Variants in FDCSP observed in about 807,000 individuals in gnomAD.
FDCSP encodes the protein follicular dendritic cell secreted protein.
A neutral mutation model predicts 8.9 loss-of-function variants in FDCSP; 8 were observed. The observed-to-expected ratio is 0.90, with a 90% CI of 0.53 to 1.63. The LOEUF is 1.63. FDCSP is among the 40% of genes most tolerant of loss of function. The pLI is 0.00. For missense variants in FDCSP, 101 were observed against 103.6 expected (o/e 0.98, Z 0.11); for synonymous variants, 34 against 34.5 (o/e 0.98, Z 0.06).
At chr4:70,230,170 A>G (rs1730055491) in intron 1 of FDCSP, among the ~76,000 whole-genome samples, 1 of 151,680 alleles carries the variant, frequency 6.6e-6, no homozygotes, top group Admixed American at 6.6e-5. Flanking sequence ...AAAGTCCCCT[A>G]GCCAATCTCC....
At chr4:70,233,756 T>C (rs1730126724) in intron 3 of FDCSP, among the ~76,000 whole-genome samples, 1 of 151,500 alleles carries the variant, frequency 6.6e-6, no homozygotes, top group Admixed American at 6.6e-5. Context: ...CACATTCATC[T>C]TGGCCTTGTA....
intron 1 of FDCSP, 80 bp from the exon 2 acceptor site, chr4:70,231,115 C>G: frequency 9.0e-7 from 1 of 1,115,332 alleles, no homozygotes; most frequent in Non-Finnish European, 1.3e-6. Context: ...CTTTTAAATT[C>G]ATGGTCTTTT....
intron 1 of FDCSP, among the ~76,000 whole-genome samples, chr4:70,229,429 C>G (rs1730042956): frequency 1.3e-5 from 2 of 151,754 alleles, no homozygotes; most frequent in Non-Finnish European, 2.9e-5. Context: ...CTTTTAATTC[C>G]CTTCAAAACT....
intron 1 of FDCSP, 146 bp from the exon 2 acceptor site, chr4:70,231,049 G>A: frequency 5.2e-6 from 3 of 578,432 alleles, no homozygotes; most frequent in South Asian, 5.3e-5. Context: ...AAGATTGTAA[G>A]TGACTTGCTC....
At chr4:70,226,818 T>C (rs1450675882) in intron 1 of FDCSP, among the ~76,000 whole-genome samples, 3 of 149,242 alleles carry the variant, frequency 2.0e-5, no homozygotes, top group East Asian at 4.2e-4. Context: ...TAAAAGGAGA[T>C]AGCTGGTAAT....
chr4:70,227,436 C>G (rs1730006354), intron 1 of FDCSP, among the ~76,000 whole-genome samples: 1 of 151,646 alleles, frequency 6.6e-6, no homozygotes, highest in South Asian at 2.1e-4. Context: ...TTTTACACTG[C>G]GTTCTTTTGT....
chr4:70,233,682 A>G (rs1296993085), intron 3 of FDCSP, among the ~76,000 whole-genome samples: 11 of 151,638 alleles, frequency 7.3e-5, no homozygotes. Flanking sequence ...GTTGTTTCCT[A>G]CATGTGGTTT....
intron 1 of FDCSP, among the ~76,000 whole-genome samples, chr4:70,230,764 C>T (rs1368726848): frequency 2.0e-5 from 3 of 151,658 alleles, no homozygotes; most frequent in South Asian, 4.1e-4. Context: ...ACTAAATAAC[C>T]GCTTACTTCC....
chr4:70,234,417 C>T (rs1418687403), intron 4 of FDCSP, among the ~76,000 whole-genome samples: 1 of 151,616 alleles, frequency 6.6e-6, no homozygotes. Flanking sequence ...ACCAGCACAG[C>T]ACTTTAAATC....
In FDCSP at chr4:70,229,976, T is replaced by A. The variant is rs1383704119; in HGVS notation, c.1-1219T>A. 2.6e-5 allele frequency among the ~76,000 whole-genome samples: 4 copies of A among 151,612 alleles called. No individual in the cohort carries two copies. The Admixed American group carries it at 2.6e-4, about 10-fold the overall frequency. ...TGTTGGAAAAATGGTGCTGATAGAC[T>A]TGCTCGATGCCGGATTGCCACAAAT... On this transcript the variant is annotated intron_variant, in intron 1 of 4. Coordinates refer to ENST00000317987, the MANE Select transcript of FDCSP (RefSeq NM_152997.4).
At chr4:70,229,507 T>C (rs1416627565) in intron 1 of FDCSP, among the ~76,000 whole-genome samples, 1 of 151,802 alleles carries the variant, frequency 6.6e-6, no homozygotes, top group Admixed American at 6.6e-5. Flanking sequence ...TATCTTGGCT[T>C]TTGACATTCC....
At chr4:70,226,459 G>T (rs942121552) in intron 1 of FDCSP, among the ~76,000 whole-genome samples, 1 of 151,738 alleles carries the variant, frequency 6.6e-6, no homozygotes, top group South Asian at 2.1e-4. Flanking sequence ...GAGCACTGGT[G>T]GGGGAGAGTG....
chr4:70,233,051 C>T, intron 3 of FDCSP, 25 bp downstream of exon 3: 1 of 1,576,400 alleles, frequency 6.3e-7, no homozygotes, highest in Non-Finnish European at 8.6e-7. Context: ...CTCTTTTTTA[C>T]ATGTAAGTTT....
At chr4:70,229,455 C>G (rs986708545) in intron 1 of FDCSP, among the ~76,000 whole-genome samples, 2 of 151,802 alleles carry the variant, frequency 1.3e-5, no homozygotes, top group Non-Finnish European at 2.9e-5. Context: ...TTCGCATTCA[C>G]AACTTGGCTA....
intron 4 of FDCSP, 38 bp downstream of exon 4, chr4:70,234,253 T>G (rs762434362): frequency 6.9e-6 from 10 of 1,444,714 alleles, no homozygotes; most frequent in Non-Finnish European, 9.3e-6. Context: ...TTATTTTAAG[T>G]TTGCAGATTG....
chr4:70,234,975 A>G (rs1161867172), intron 4 of FDCSP, 110 bp from the exon 5 acceptor site: 1 of 151,610 alleles, frequency 6.6e-6, no homozygotes, highest in Non-Finnish European at 1.5e-5. Context: ...CAGTCCTTGA[A>G]CTAGATATAT....
At chr4:70,227,584 A>C (rs55730802) in intron 1 of FDCSP, among the ~76,000 whole-genome samples, 35,858 of 149,026 alleles carry the variant, frequency 0.24, 5,201 homozygotes, top group Admixed American at 0.32. Flanking sequence ...AATAGTCTTT[A>C]AAAAGCTTTG....
At chr4:70,234,868 T>C (rs970682521) in intron 4 of FDCSP, among the ~76,000 whole-genome samples, 1 of 151,064 alleles carries the variant, frequency 6.6e-6, no homozygotes, top group African/African-American at 2.4e-5. Context: ...AAGATTAAAT[T>C]AGAACCCAGA....
chr4:70,230,923 A>C (rs1730069199), intron 1 of FDCSP, among the ~76,000 whole-genome samples: 1 of 151,746 alleles, frequency 6.6e-6, no homozygotes, highest in African/African-American at 2.4e-5. Flanking sequence ...TAGTATTCTT[A>C]AATAATATGT....
Sources: allele counts gnomAD v4.1 joint callset (sites outside exome capture counted in the v4.1 genomes callset), GRCh38; gene constraint gnomAD v4.1.1; transcripts MANE v1.5; gene names NCBI Gene and HGNC (gene_info 2026-07-23, HGNC 2026-07-21).